The following ADAMTS2 variants were observed in gnomAD, a reference collection of about 807,000 sequenced individuals.
The protein encoded by ADAMTS2 is ADAM metallopeptidase with thrombospondin type 1 motif 2.
Under a neutral mutation model 123.0 loss-of-function variants are expected in ADAMTS2, and 50 were observed. That is an observed-to-expected ratio of 0.41 (90% confidence interval 0.32 to 0.51). ADAMTS2 has a LOEUF of 0.51. Among genes scored for constraint, ADAMTS2 ranks in the 20% least tolerant of loss-of-function variants. The probability of loss-of-function intolerance (pLI) is 0.35; values close to 1 mark genes in which losing one functional copy is unlikely to be tolerated. For missense variants in ADAMTS2, 1,494 were observed against 1,705.2 expected (o/e 0.88, Z 2.18); for synonymous variants, 678 against 695.4 (o/e 0.98, Z 0.39).
intron 3 of ADAMTS2, among the ~76,000 whole-genome samples, chr5:179,263,548 C>T (rs1275793372): frequency 2.6e-5 from 4 of 152,226 alleles, no homozygotes; most frequent in Non-Finnish European, 4.4e-5. Context: ...CTGGGTGTGC[C>T]GACAGTTTGG....
rs976738380 is a variant in ADAMTS2 at position 179,197,662 on chromosome 5, G to A, written c.891+9851C>T. Among the ~76,000 whole-genome samples, 1 of 152,118 alleles carries A rather than the reference G, an allele frequency of 6.6e-6. No homozygotes were observed. The highest frequency in any genetic ancestry group is 6.6e-5 in the Admixed American group (1 of 15,262). On this transcript the variant is annotated intron_variant, in intron 4 of 21. Transcript: ENST00000251582. This position sits in a 1 kb window ranked among gnomAD's most constrained non-coding sequence, Gnocchi z 4.2. ...TTTGAGGCTGCAGTGAGCTATGATT[G>A]CAGCACTACGCTCCAGCCTGGGTGA...
chr5:179,178,667 T>C (rs1763981827), intron 5 of ADAMTS2, among the ~76,000 whole-genome samples: 2 of 152,276 alleles, frequency 1.3e-5, no homozygotes, highest in South Asian at 2.1e-4. Context: ...AGCTCTCTTC[T>C]TCATTGATTC....
chr5:179,142,348 G>A (rs542797919), intron 10 of ADAMTS2, among the ~76,000 whole-genome samples: 2 of 152,282 alleles, frequency 1.3e-5, no homozygotes, highest in South Asian at 4.1e-4. Context: ...TCAGATTAAG[G>A]ATGCTCAACC....
At chr5:179,263,634 C>T (rs1026799048) in intron 3 of ADAMTS2, among the ~76,000 whole-genome samples, 1 of 152,258 alleles carries the variant, frequency 6.6e-6, no homozygotes, top group East Asian at 1.9e-4. Context: ...GCAGCCCACA[C>T]CTCACGGCAA....
At chr5:179,207,475 T>TTCCCCCC in intron 4 of ADAMTS2, 38 bp downstream of exon 4, 4 of 588,616 alleles carry the variant, frequency 6.8e-6, no homozygotes, top group Admixed American at 2.0e-5. Flanking sequence ...TGGTTGACCC[T>TTCCCCCC]CCCCGCCCCA....
chr5:179,255,474 C>G (rs1766025454), intron 3 of ADAMTS2, among the ~76,000 whole-genome samples: 2 of 152,180 alleles, frequency 1.3e-5, no homozygotes, highest in African/African-American at 2.4e-5. Context: ...AGGGCTAGGG[C>G]TGCCGATGTG....
At chr5:179,209,429 G>A (rs1401382214) in intron 3 of ADAMTS2, among the ~76,000 whole-genome samples, 1 of 152,132 alleles carries the variant, frequency 6.6e-6, no homozygotes, top group African/African-American at 2.4e-5. Flanking sequence ...AGTGGGGCCA[G>A]GGCTGAGCAG....
At chr5:179,212,691 G>C (rs1335446878) in intron 3 of ADAMTS2, among the ~76,000 whole-genome samples, 27 of 128,048 alleles carry the variant, frequency 2.1e-4, no homozygotes, top group African/African-American at 7.7e-4. Flanking sequence ...TGGGCCCTGA[G>C]GGCGGGTGCA....
rs1480053276 is a variant in ADAMTS2 at position 179,328,089 on chromosome 5, TGCAA to T, written c.534+15674_534+15677del. On this transcript the variant is annotated intron_variant, in intron 2 of 21. Coordinates refer to ENST00000251582, the MANE Select transcript of ADAMTS2 (RefSeq NM_014244.5). ...TGTCGCCCAGGCTGGAGTGCAGTGG[TGCAA>T]GCGATCTGAGCTCACTGCAGGCTCC... Among the ~76,000 whole-genome samples, 47 of 152,350 alleles carry T rather than the reference TGCAA, an allele frequency of 3.1e-4. No individual in the cohort carries two copies. In the South Asian group the frequency reaches 4.3e-3, roughly 14 times the overall value.
intron 21 of ADAMTS2, among the ~76,000 whole-genome samples, chr5:179,119,767 G>A (rs1762721639): frequency 1.3e-5 from 2 of 152,196 alleles, no homozygotes. Context: ...CACGGCAGGT[G>A]ACCTGGACTA....
intron 3 of ADAMTS2, among the ~76,000 whole-genome samples, chr5:179,211,527 C>G (rs1396235419): frequency 1.3e-5 from 2 of 152,220 alleles, no homozygotes; most frequent in Admixed American, 1.3e-4. Context: ...TGGATGGCAG[C>G]TGGAGATCTC....
Position 179,345,349 on chromosome 5 carries a change from G to T in ADAMTS2, c.-21C>A. The T allele has an allele frequency of 6.2e-6, 7 of 1,132,362 alleles. No homozygotes were observed. Among genetic ancestry groups the T allele is most frequent in the Non-Finnish European group, 7.6e-6 (7 of 924,252 alleles). The allele number at this position is 1,132,362 out of a possible 1,614,324, so 70.1% of individuals were successfully genotyped here. A position where few individuals can be genotyped will look rare whatever the true frequency, so the allele number is the denominator to read the frequency against. On this transcript the variant is annotated 5_prime_UTR_variant, in exon 1 of 22. Coordinates refer to ENST00000251582, the MANE Select transcript of ADAMTS2 (RefSeq NM_014244.5). The surrounding 1 kb of genome is among the most constrained non-coding windows in gnomAD (Gnocchi z 7.5). Reference sequence around the variant, plus strand: ...TCCATGGCAGCCGGACTGCAGCCGGGGCCCCGCACTCGCAGCCGGCGCGAA... The same window carrying T: ...TCCATGGCAGCCGGACTGCAGCCGGTGCCCCGCACTCGCAGCCGGCGCGAA...
In ADAMTS2 at chr5:179,181,297, G is replaced by A; in HGVS notation, c.892-142C>T. ...CACCATCAACTAGGAGCCACCTTGT[G>A]ACCCCTCCCTCATTGCCCCCTGCCC... On this transcript the variant is annotated intron_variant, in intron 4 of 21. Transcript: ENST00000251582. The surrounding 1 kb of genome is among the most constrained non-coding windows in gnomAD (Gnocchi z 4.1). The A allele has an allele frequency of 2.8e-6, 2 of 704,246 alleles. No individual in the cohort carries two copies. Among genetic ancestry groups the A allele is most frequent in the Non-Finnish European group, 5.1e-6 (2 of 388,778 alleles). The allele number at this position is 704,246 out of a possible 1,614,324, so 43.6% of individuals were successfully genotyped here.
At chr5:179,199,549 C>A (rs1764512227) in intron 4 of ADAMTS2, among the ~76,000 whole-genome samples, 1 of 152,180 alleles carries the variant, frequency 6.6e-6, no homozygotes, top group Non-Finnish European at 1.5e-5. Flanking sequence ...CCCCAGACGC[C>A]CTGGCCAGGG....
In ADAMTS2 at chr5:179,329,153, C is replaced by T. The variant is rs561797675; in HGVS notation, c.534+14614G>A. Among the ~76,000 whole-genome samples the T allele has an allele frequency of 4.6e-5, 7 of 152,176 alleles. No individual in the cohort carries two copies. The East Asian group carries it at 5.8e-4, about 13-fold the overall frequency. On this transcript the variant is annotated intron_variant, in intron 2 of 21. Transcript: ENST00000251582. ...CCATCCTGGCTAACACGGTGAAACCCCGTCTCTACTAAAAATACAAAAAAT... is the reference window on the plus strand; with the variant it reads ...CCATCCTGGCTAACACGGTGAAACCTCGTCTCTACTAAAAATACAAAAAAT...
At position 179,122,798 on chromosome 5, in the gene ADAMTS2, G is replaced by C. The variant is rs762314986; in HGVS notation, c.2959-25C>G. On this transcript the variant is annotated intron_variant, in intron 19 of 21. Transcript: ENST00000251582. The stretch of plus-strand genomic sequence containing the variant: ...ACTGCAGGGGGAGAGTCGCCAGGCA[G>C]GGTTCACCTCCCACACAGGGCCCGC... The C allele has an allele frequency of 1.9e-6, 3 of 1,552,352 alleles. No individual in the cohort carries two copies. The South Asian group carries it at 3.6e-5, about 18-fold the overall frequency.
rs1343983971 is a variant in ADAMTS2, at chr5:179,234,360, C to T, written c.689-26645G>A. 6.6e-6 allele frequency among the ~76,000 whole-genome samples: 1 copy of T among 152,160 alleles called. No homozygotes were observed. Among genetic ancestry groups the T allele is most frequent in the African/African-American group, 2.4e-5 (1 of 41,424 alleles). On this transcript the variant is annotated intron_variant, in intron 3 of 21. Transcript: ENST00000251582. The surrounding 1 kb of genome is among the most constrained non-coding windows in gnomAD (Gnocchi z 4.7). ...TCAGAGAGAAGTGGAGGCTGCACCC[C>T]CACAGGAAGTGGGGCCCAGTCCACC...
intron 4 of ADAMTS2, among the ~76,000 whole-genome samples, chr5:179,193,146 C>T (rs533863469): frequency 2.7e-4 from 41 of 152,282 alleles, no homozygotes; most frequent in African/African-American, 9.1e-4. Flanking sequence ...GACAGCTGAC[C>T]GTCTCCTTTG....
chr5:179,134,246 A>G (rs1763014181), intron 13 of ADAMTS2, among the ~76,000 whole-genome samples: 2 of 151,922 alleles, frequency 1.3e-5, no homozygotes, highest in South Asian at 4.2e-4. Flanking sequence ...CTGTCTGGGG[A>G]GAGACTACAC....
Sources: gnomAD v4.1 joint callset for allele counts (sites outside exome capture counted in the v4.1 genomes callset) on GRCh38, gnomAD v4.1.1 for gene constraint, Gnocchi (gnomAD v3.1) non-coding constraint, MANE v1.5 for transcripts, NCBI Gene and HGNC (gene_info 2026-07-23, HGNC 2026-07-21) for gene names.